Variants in SPIRE1 observed in about 807,000 individuals in gnomAD.
SPIRE1 encodes spire type actin nucleation factor 1, also known as protein spire homolog 1.
In SPIRE1, 40 loss-of-function variants were observed where a neutral mutation model predicts 94.1. That is an observed-to-expected ratio of 0.43 (90% confidence interval 0.33 to 0.55). The LOEUF is 0.55. Ranked by LOEUF, SPIRE1 falls within the 20% of genes least tolerant of loss-of-function variation. The pLI is 0.06. For synonymous variants in SPIRE1, 376 were observed against 371.7 expected (o/e 1.01, Z -0.13); for missense variants, 838 against 975.2 (o/e 0.86, Z 1.87).
At chr18:12,587,537 G>T (rs2036419609) in intron 2 of SPIRE1, among the ~76,000 whole-genome samples, 1 of 151,050 alleles carries the variant, frequency 6.6e-6, no homozygotes, top group Non-Finnish European at 1.5e-5. Flanking sequence ...CTCAATTTTT[G>T]AAACAAAACA....
At chr18:12,578,850 T>C (rs1005564581) in intron 2 of SPIRE1, among the ~76,000 whole-genome samples, 2 of 152,170 alleles carry the variant, frequency 1.3e-5, no homozygotes, top group Admixed American at 6.5e-5. Context: ...GTTCTGCTTA[T>C]GCAAATGTCA....
intron 10 of SPIRE1, among the ~76,000 whole-genome samples, chr18:12,470,796 C>T (rs910451447): frequency 6.6e-6 from 1 of 152,012 alleles, no homozygotes; most frequent in Admixed American, 6.6e-5. Context: ...GCCTGCTTCC[C>T]GAAATCTGCT....
intron 6 of SPIRE1, among the ~76,000 whole-genome samples, chr18:12,503,340 T>C (rs962503914): frequency 1.3e-5 from 2 of 152,186 alleles, no homozygotes; most frequent in African/African-American, 4.8e-5. Flanking sequence ...ATCCGACCTC[T>C]CTGAAACACT....
At chr18:12,644,379 A>G (rs1182869499) in intron 1 of SPIRE1, among the ~76,000 whole-genome samples, 1 of 152,190 alleles carries the variant, frequency 6.6e-6, no homozygotes. Context: ...AAGAGTTTAT[A>G]GGGAAAGTTA....
intron 2 of SPIRE1, among the ~76,000 whole-genome samples, chr18:12,606,287 C>T (rs1355850924): frequency 1.3e-5 from 2 of 152,098 alleles, no homozygotes; most frequent in Middle Eastern, 3.4e-3. Context: ...TGACATACAA[C>T]CCAGTGCCTA....
chr18:12,522,075 G>C (rs1018012500), intron 4 of SPIRE1, among the ~76,000 whole-genome samples: 1 of 152,198 alleles, frequency 6.6e-6, no homozygotes, highest in African/African-American at 2.4e-5. Flanking sequence ...AGCGAGAAAT[G>C]ATTAAGTTTG....
At position 12,546,711 on chromosome 18, in the gene SPIRE1, T is replaced by C; in HGVS notation, c.566A>G (p.Lys189Arg). The change falls in exon 3 of 17, where the codon AAA becomes AGA. Residue 189 changes from lysine to arginine, a missense_variant. By Grantham distance (26) the Lys-to-Arg change is conservative. This residue lies in a region of SPIRE1 where 645 missense variants were observed against 804.7 expected (regional missense o/e 0.80). Coordinates refer to ENST00000409402, the MANE Select transcript of SPIRE1 (RefSeq NM_001128626.2). ...TCTATATGACCGAATAGCTGAGATT[T>C]TTCTCTTTTCATCTTCATCTCCCAG... is the stretch of plus-strand genomic sequence containing the variant. ...EGLGDEDEKR[K>R]ISAIRSYRDV... The C allele has an allele frequency of 6.2e-7, 1 of 1,614,130 alleles. No individual in the cohort carries two copies. The highest frequency in any genetic ancestry group is 8.5e-7 in the Non-Finnish European group (1 of 1,180,002).
chr18:12,501,461 T>A (rs1392179920), intron 6 of SPIRE1, among the ~76,000 whole-genome samples: 2 of 152,202 alleles, frequency 1.3e-5, no homozygotes, highest in African/African-American at 2.4e-5. Flanking sequence ...CTCAGCTAAC[T>A]GCGACTGCGC....
chr18:12,609,972 T>C (rs941858896), intron 2 of SPIRE1, among the ~76,000 whole-genome samples: 37 of 152,084 alleles, frequency 2.4e-4, no homozygotes, highest in African/African-American at 8.7e-4. Flanking sequence ...TTGGTCCTCA[T>C]TGTTCTTTCT....
chr18:12,548,522 T>A (rs1230431735), intron 2 of SPIRE1, among the ~76,000 whole-genome samples: 1 of 152,206 alleles, frequency 6.6e-6, no homozygotes, highest in East Asian at 1.9e-4. Context: ...ACAATACTGT[T>A]TTAAAATATT....
chr18:12,629,180 AGG>A (rs2037709943), intron 2 of SPIRE1, among the ~76,000 whole-genome samples: 2 of 152,202 alleles, frequency 1.3e-5, no homozygotes, highest in Non-Finnish European at 2.9e-5. Flanking sequence ...CTGAAGGGAA[AGG>A]GCCTCTGAGT....
chr18:12,555,743 C>T (rs374594885), intron 2 of SPIRE1, among the ~76,000 whole-genome samples: 90 of 152,286 alleles, frequency 5.9e-4, no homozygotes, highest in African/African-American at 1.9e-3. Flanking sequence ...AAAAGCCTTT[C>T]TTCTAAGATC....
At chr18:12,466,474 G>A (rs776789982) in intron 10 of SPIRE1, among the ~76,000 whole-genome samples, 11 of 151,908 alleles carry the variant, frequency 7.2e-5, no homozygotes, top group Non-Finnish European at 1.5e-4. Flanking sequence ...TAGAGATGGC[G>A]TTTCACCATG....
chr18:12,580,924 A>G (rs1293456223), intron 2 of SPIRE1, among the ~76,000 whole-genome samples: 1 of 152,054 alleles, frequency 6.6e-6, no homozygotes, highest in African/African-American at 2.4e-5. Context: ...CTGTCCCTCA[A>G]TACTGGAGAT....
At chr18:12,628,064 C>T (rs1405745035) in intron 2 of SPIRE1, among the ~76,000 whole-genome samples, 2 of 152,116 alleles carry the variant, frequency 1.3e-5, no homozygotes, top group African/African-American at 4.8e-5. Context: ...TTAATTAGAT[C>T]CCATTTGTCT....
At chr18:12,626,281 C>T (rs994040839) in intron 2 of SPIRE1, among the ~76,000 whole-genome samples, 5 of 152,174 alleles carry the variant, frequency 3.3e-5, no homozygotes, top group African/African-American at 1.2e-4. Context: ...ATAACCAGAT[C>T]GAGGTCCAAG....
chr18:12,459,946 G>T (rs947304125), intron 12 of SPIRE1: 4 of 984,210 alleles, frequency 4.1e-6, no homozygotes, highest in Non-Finnish European at 4.8e-6. Flanking sequence ...ACAGATAAGG[G>T]AAAAAGAAAA....
chr18:12,520,593 G>A (rs151020512), intron 4 of SPIRE1, among the ~76,000 whole-genome samples: 2 of 152,178 alleles, frequency 1.3e-5, no homozygotes, highest in Non-Finnish European at 2.9e-5. Flanking sequence ...AAGACAGACA[G>A]CAGCAAGGAC....
In SPIRE1 at chr18:12,496,080, C is replaced by T. The variant is rs770699341; in HGVS notation, c.995G>A (p.Arg332Gln). Residue 332 changes from arginine (R) to glutamine (Q), a missense_variant, in exon 7 of 17, where the codon CGG becomes CAG. Physicochemically the swap from Arg to Gln is conservative, Grantham distance 43. This residue lies in a region of SPIRE1 where 645 missense variants were observed against 804.7 expected (regional missense o/e 0.80). Coordinates refer to ENST00000409402, the MANE Select transcript of SPIRE1 (RefSeq NM_001128626.2). The part of the protein sequence containing the change: ...KVMVNGDIPP[R>Q]LKKSAHEIIL... The stretch of plus-strand genomic sequence containing the variant: ...GATTTCATGAGCACTCTTTTTTAAC[C>T]GAGGGGGAATATCACCATTCACCTA... 33 of 1,613,252 alleles carry T rather than the reference C, an allele frequency of 2.0e-5. 1 individual carries two copies. Among genetic ancestry groups the T allele is most frequent in the African/African-American group, 5.3e-5 (4 of 74,868 alleles).
Sources: allele counts gnomAD v4.1 joint callset (sites outside exome capture counted in the v4.1 genomes callset), GRCh38; gene constraint gnomAD v4.1.1; regional missense constraint gnomAD v4.1.1; transcripts MANE v1.5; gene names NCBI Gene and HGNC (gene_info 2026-07-23, HGNC 2026-07-21).